Variants in PPP1R12A observed in about 807,000 individuals in gnomAD.
PPP1R12A encodes protein phosphatase 1 regulatory subunit 12A.
PPP1R12A carries 19 observed loss-of-function variants against 139.6 expected under a neutral mutation model. The ratio of observed to expected loss-of-function variants is 0.14; its 90% CI spans 0.09 to 0.20. The LOEUF (loss-of-function observed/expected upper bound fraction) is 0.20, where lower values mean the gene tolerates loss of function less well. Ranked by LOEUF, PPP1R12A falls within the 10% of genes least tolerant of loss-of-function variation. The probability of loss-of-function intolerance (pLI) is 1.00; values close to 1 mark genes in which losing one functional copy is unlikely to be tolerated. For missense variants in PPP1R12A, 925 were observed against 1,211.5 expected, an observed-to-expected ratio of 0.76 and a Z score of 3.51; for synonymous variants, 427 against 420.6, an observed-to-expected ratio of 1.02 and a Z score of -0.19.
rs77562861 is a variant in PPP1R12A at position 79,777,741 on chromosome 12, A to T, written c.3006+809T>A. On this transcript the variant is annotated intron_variant, in intron 24 of 24. Coordinates refer to ENST00000450142, the MANE Select transcript of PPP1R12A (RefSeq NM_002480.3). ...AGAATGTAATCACAGGTAATTTTTT[A>T]AAAATATTACGTCTTAAAGGAACAA... 702 of 722,618 alleles carry T rather than the reference A, an allele frequency of 9.7e-4. 20 individuals are homozygous for T. The East Asian group carries it at 0.072, about 74-fold the overall frequency. The allele number at this position is 722,618 out of a possible 1,614,324, so 44.8% of individuals were successfully genotyped here.
chr12:79,887,172 A>G (rs941688372), intron 1 of PPP1R12A, among the ~76,000 whole-genome samples: 6 of 152,310 alleles, frequency 3.9e-5, no homozygotes, highest in African/African-American at 9.6e-5. Context: ...TACATAATAC[A>G]TATGTAGTGA....
At chr12:79,904,573 G>A (rs1052164238) in intron 1 of PPP1R12A, among the ~76,000 whole-genome samples, 17 of 152,040 alleles carry the variant, frequency 1.1e-4, no homozygotes, top group African/African-American at 4.1e-4. Flanking sequence ...CTCTGAAGAG[G>A]AAAAGACTCT....
intron 1 of PPP1R12A, among the ~76,000 whole-genome samples, chr12:79,880,154 T>C (rs1350829281): frequency 2.0e-5 from 3 of 152,136 alleles, no homozygotes; most frequent in Non-Finnish European, 4.4e-5. Flanking sequence ...CATTAAAATA[T>C]AGTTGGATAG....
chr12:79,842,857 C>T (rs1038255073), intron 3 of PPP1R12A, among the ~76,000 whole-genome samples: 1 of 152,064 alleles, frequency 6.6e-6, no homozygotes, highest in Non-Finnish European at 1.5e-5. Flanking sequence ...TTTAAGTGTA[C>T]AGTTCTTAAG....
chr12:79,780,102 G>A (rs1420499647), intron 23 of PPP1R12A: 1 of 152,132 alleles, frequency 6.6e-6, no homozygotes. Context: ...TATTCTGGAG[G>A]CTGATGCAGG....
chr12:79,884,844 A>G (rs937894481), intron 1 of PPP1R12A, among the ~76,000 whole-genome samples: 2 of 152,192 alleles, frequency 1.3e-5, no homozygotes, highest in Non-Finnish European at 2.9e-5. Flanking sequence ...TGATTCAAGT[A>G]CATAAAACTT....
At chr12:79,874,046 C>T (rs962098488) in intron 1 of PPP1R12A, among the ~76,000 whole-genome samples, 2 of 152,054 alleles carry the variant, frequency 1.3e-5, no homozygotes, top group African/African-American at 2.4e-5. Flanking sequence ...GAGGCCGAGG[C>T]GGGCAGATCA....
chr12:79,810,948 C>T (rs1446916339), intron 9 of PPP1R12A, among the ~76,000 whole-genome samples: 2 of 152,004 alleles, frequency 1.3e-5, no homozygotes, highest in Non-Finnish European at 2.9e-5. Context: ...ACTATTTCAA[C>T]TATAATAAAA....
At chr12:79,847,944 T>C (rs1246357271) in intron 2 of PPP1R12A, among the ~76,000 whole-genome samples, 3 of 151,886 alleles carry the variant, frequency 2.0e-5, no homozygotes, top group East Asian at 1.9e-4. Flanking sequence ...CTATATCTTT[T>C]ACACACACAC....
chr12:79,782,547 A>G (rs1870585512), intron 22 of PPP1R12A: 1 of 454,940 alleles, frequency 2.2e-6, no homozygotes, highest in African/African-American at 2.0e-5. Flanking sequence ...AAGGGATGGA[A>G]AAGCACCTTG....
At chr12:79,901,140 C>A (rs758134479) in intron 1 of PPP1R12A, among the ~76,000 whole-genome samples, 1 of 152,134 alleles carries the variant, frequency 6.6e-6, no homozygotes, top group South Asian at 2.1e-4. Context: ...GGCTCTAGAT[C>A]GGGAACCAAT....
chr12:79,817,557 A>G, intron 8 of PPP1R12A, 39 bp from the exon 9 acceptor site: 3 of 1,528,138 alleles, frequency 2.0e-6, no homozygotes, highest in Non-Finnish European at 2.7e-6. Context: ...GATTCCATAT[A>G]TATTTGGTCT....
intron 3 of PPP1R12A, among the ~76,000 whole-genome samples, chr12:79,837,731 TCAG>T (rs1196863641): frequency 6.6e-6 from 1 of 152,198 alleles, no homozygotes; most frequent in Non-Finnish European, 1.5e-5. Flanking sequence ...TCCTCTTTGT[TCAG>T]CATGTCTCTC....
At chr12:79,900,344 G>A (rs1237069514) in intron 1 of PPP1R12A, among the ~76,000 whole-genome samples, 1 of 152,116 alleles carries the variant, frequency 6.6e-6, no homozygotes, top group Non-Finnish European at 1.5e-5. Flanking sequence ...AACATACAGA[G>A]GCAGCAAATA....
chr12:79,839,093 C>T (rs958423720), intron 3 of PPP1R12A, among the ~76,000 whole-genome samples: 2 of 152,042 alleles, frequency 1.3e-5, no homozygotes, highest in Non-Finnish European at 2.9e-5. Flanking sequence ...TGGGAGCCCA[C>T]CTCTTACATC....
At chr12:79,814,393 C>T (rs746062808) in intron 9 of PPP1R12A, among the ~76,000 whole-genome samples, 3 of 138,530 alleles carry the variant, frequency 2.2e-5, no homozygotes, top group Non-Finnish European at 4.5e-5. Flanking sequence ...AGGAGAATGG[C>T]GTGAACTTGG....
At chr12:79,872,079 A>G (rs1882633448) in intron 2 of PPP1R12A, among the ~76,000 whole-genome samples, 1 of 152,180 alleles carries the variant, frequency 6.6e-6, no homozygotes, top group Admixed American at 6.5e-5. Context: ...AGCAAAATGT[A>G]GACAAAAAAC....
intron 1 of PPP1R12A, among the ~76,000 whole-genome samples, chr12:79,896,173 T>G (rs973435943): frequency 1.3e-5 from 2 of 152,148 alleles, no homozygotes; most frequent in Admixed American, 1.3e-4. Context: ...AAATTTATTC[T>G]GGTACAACAG....
At chr12:79,907,068 A>G (rs1007141282) in intron 1 of PPP1R12A, among the ~76,000 whole-genome samples, 2 of 151,144 alleles carry the variant, frequency 1.3e-5, no homozygotes, top group Non-Finnish European at 2.9e-5. Context: ...ACAGATTATA[A>G]TAACTCTATC....
Sources: allele counts gnomAD v4.1 joint callset (sites outside exome capture counted in the v4.1 genomes callset), GRCh38; gene constraint gnomAD v4.1.1; transcripts MANE v1.5; gene names NCBI Gene and HGNC (gene_info 2026-07-23, HGNC 2026-07-21).